The following GLIS3 variants were observed in gnomAD, a reference collection of about 807,000 sequenced individuals.
GLIS3 encodes the protein GLIS family zinc finger 3, also known as zinc finger protein GLIS3.
Under a neutral mutation model 78.6 loss-of-function variants are expected in GLIS3, and 53 were observed. The ratio of observed to expected loss-of-function variants is 0.67; its 90% CI spans 0.54 to 0.85. GLIS3 has a LOEUF of 0.85. Ranked by LOEUF, GLIS3 falls within the 40% of genes least tolerant of loss-of-function variation. The pLI is 0.00. For missense variants in GLIS3, 1,703 were observed against 1,231.1 expected (o/e 1.38, Z -5.74); for synonymous variants, 684 against 509.9 (o/e 1.34, Z -4.60).
chr9:4,202,726 CCCT>C, intron 2 of GLIS3, among the ~76,000 whole-genome samples: 1 of 152,208 alleles, frequency 6.6e-6, no homozygotes, highest in South Asian at 2.1e-4. Context: ...GGAAAGGAAT[CCCT>C]ATTAAATAAA....
the GLIS3 span, among the ~76,000 whole-genome samples, chr9:4,379,787 G>T: frequency 2.0e-5 from 3 of 152,304 alleles, no homozygotes; most frequent in South Asian, 6.2e-4. Context: ...TGCTCTTGAA[G>T]AAAGGAGCTC....
chr9:4,188,912 G>A (rs1488433839), intron 2 of GLIS3, among the ~76,000 whole-genome samples: 16 of 151,916 alleles, frequency 1.1e-4, no homozygotes, highest in South Asian at 1.0e-3. Flanking sequence ...TCTTGCTAGC[G>A]GTCTATCAAT....
At chr9:3,842,361 A>G (rs1336726786) in intron 9 of GLIS3, among the ~76,000 whole-genome samples, 1 of 152,030 alleles carries the variant, frequency 6.6e-6, no homozygotes, top group Non-Finnish European at 1.5e-5. Context: ...AATCCCAGCT[A>G]CTCGGCAGGC....
the GLIS3 span, among the ~76,000 whole-genome samples, chr9:4,468,684 G>A: frequency 6.6e-6 from 1 of 152,278 alleles, no homozygotes; most frequent in Admixed American, 6.5e-5. Context: ...CAAAAAACAT[G>A]CCAATTTGTA....
In GLIS3 at chr9:4,153,634, T is replaced by A. The variant is rs143717286; in HGVS notation, c.389-27693A>T. 1.9e-3 allele frequency among the ~76,000 whole-genome samples: 295 copies of A among 152,248 alleles called. 1 individual carries two copies. Among genetic ancestry groups the A allele is most frequent in the African/African-American group, 7.0e-3 (290 of 41,546 alleles). On this transcript the variant is annotated intron_variant, in intron 2 of 10. Transcript: ENST00000381971. ...TAAATAAAGAAAGAGAACAGAAGTA[T>A]AAAATCATGACCTCAAATATATAGT...
At chr9:4,298,175 G>A (rs918642437) in intron 1 of GLIS3, among the ~76,000 whole-genome samples, 2 of 152,000 alleles carry the variant, frequency 1.3e-5, no homozygotes, top group Non-Finnish European at 2.9e-5. Flanking sequence ...GGGGACCTGC[G>A]CGCGCTGCCC....
At chr9:3,834,597 A>G (rs999595156) in intron 9 of GLIS3, among the ~76,000 whole-genome samples, 1 of 152,186 alleles carries the variant, frequency 6.6e-6, no homozygotes, top group African/African-American at 2.4e-5. Context: ...TTTCAAATTA[A>G]ATTCTAGAAA....
At chr9:4,406,125 T>C in the GLIS3 span, among the ~76,000 whole-genome samples, 1 of 152,034 alleles carries the variant, frequency 6.6e-6, no homozygotes, top group Non-Finnish European at 1.5e-5. Flanking sequence ...TCATACCAAA[T>C]GGGGAAAAAC....
At chr9:3,924,037 A>T (rs1237839637) in intron 6 of GLIS3, among the ~76,000 whole-genome samples, 1 of 152,248 alleles carries the variant, frequency 6.6e-6, no homozygotes, top group African/African-American at 2.4e-5. Context: ...CCCATGGTCT[A>T]TGAGCCCCAA....
intron 4 of GLIS3, among the ~76,000 whole-genome samples, chr9:3,974,835 T>A (rs1343009875): frequency 6.6e-6 from 1 of 152,108 alleles, no homozygotes. Flanking sequence ...ATTGTCTTAG[T>A]GTAGGAGAAA....
chr9:4,283,307 C>T (rs1428155792), intron 2 of GLIS3, among the ~76,000 whole-genome samples: 1 of 151,230 alleles, frequency 6.6e-6, no homozygotes, highest in Non-Finnish European at 1.5e-5. Context: ...GCTTTCTTGC[C>T]CCGGCTGGAG....
chr9:4,294,343 C>G (rs552785804), intron 1 of GLIS3, among the ~76,000 whole-genome samples: 11 of 152,204 alleles, frequency 7.2e-5, no homozygotes, highest in Admixed American at 2.0e-4. Context: ...ACCCCCATCT[C>G]TACTAAAAAT....
At chr9:4,152,620 T>A (rs1428059527) in intron 2 of GLIS3, among the ~76,000 whole-genome samples, 1 of 152,170 alleles carries the variant, frequency 6.6e-6, no homozygotes, top group Non-Finnish European at 1.5e-5. Context: ...GTGTTCACTC[T>A]CTCCTTTTCA....
the GLIS3 span, among the ~76,000 whole-genome samples, chr9:4,369,426 GATGC>G: frequency 6.6e-6 from 1 of 152,158 alleles, no homozygotes; most frequent in Non-Finnish European, 1.5e-5. Flanking sequence ...GCAAAATGTT[GATGC>G]ATGCACTGCT....
intron 4 of GLIS3, among the ~76,000 whole-genome samples, chr9:3,939,019 A>T (rs1826051174): frequency 6.6e-6 from 1 of 152,160 alleles, no homozygotes; most frequent in African/African-American, 2.4e-5. Flanking sequence ...CACCTGGTGG[A>T]CCACACTTAG....
At chr9:4,116,728 G>A (rs142912246) in intron 4 of GLIS3, among the ~76,000 whole-genome samples, 2 of 152,210 alleles carry the variant, frequency 1.3e-5, no homozygotes, top group African/African-American at 4.8e-5. Context: ...ATAAATTTCT[G>A]TTTAAATTGA....
At chr9:4,301,810 A>G (rs10739042), upstream of GLIS3, among the ~76,000 whole-genome samples, 140,983 of 152,244 alleles carry the variant, frequency 0.93, 66,235 homozygotes, top group East Asian at 1. Context: ...TTTAATCAAT[A>G]GCTCATGGAA....
At chr9:4,184,473 G>C (rs1457057648) in intron 2 of GLIS3, among the ~76,000 whole-genome samples, 1 of 152,196 alleles carries the variant, frequency 6.6e-6, no homozygotes, top group Non-Finnish European at 1.5e-5. Context: ...CAAATACTTG[G>C]ATAAGTCCCC....
intron 2 of GLIS3, among the ~76,000 whole-genome samples, chr9:4,261,677 T>C (rs1184200939): frequency 6.6e-6 from 1 of 152,190 alleles, no homozygotes; most frequent in Admixed American, 6.5e-5. Flanking sequence ...ATTACGTAAC[T>C]CACTCACTTC....
Sources: gnomAD v4.1 joint callset for allele counts (sites outside exome capture counted in the v4.1 genomes callset) on GRCh38, gnomAD v4.1.1 for gene constraint, MANE v1.5 for transcripts, NCBI Gene and HGNC (gene_info 2026-07-23, HGNC 2026-07-21) for gene names.